EXOC6B: variants seen among roughly 807,000 people sequenced by gnomAD.
The protein encoded by EXOC6B is SEC15 homolog B.
Under a neutral mutation model 113.5 loss-of-function variants are expected in EXOC6B, and 54 were observed. The observed-to-expected ratio is 0.48, with a 90% CI of 0.38 to 0.60. The LOEUF (loss-of-function observed/expected upper bound fraction) is 0.60, where lower values mean the gene tolerates loss of function less well. Ranked by LOEUF, EXOC6B falls within the 20% of genes least tolerant of loss-of-function variation. EXOC6B has a pLI of 0.00. For missense variants in EXOC6B, 797 were observed against 977.5 expected, an observed-to-expected ratio of 0.82 and a Z score of 2.46; for synonymous variants, 357 against 339.0, an observed-to-expected ratio of 1.05 and a Z score of -0.58.
chr2:72,572,071 A>C (rs1704544188), intron 7 of EXOC6B, among the ~76,000 whole-genome samples: 2 of 152,192 alleles, frequency 1.3e-5, no homozygotes, highest in Non-Finnish European at 2.9e-5. Flanking sequence ...TAAGCAACAG[A>C]TTTTAGAAAG....
chr2:72,223,018 T>G (rs1680974215), intron 20 of EXOC6B, among the ~76,000 whole-genome samples: 1 of 152,210 alleles, frequency 6.6e-6, no homozygotes, highest in Admixed American at 6.5e-5. Context: ...CAATAGCATC[T>G]GTGTTCAGTA....
In EXOC6B at chr2:72,825,991, AG is replaced by A; in HGVS notation, c.-82del. 6 of 1,545,362 alleles carry A rather than the reference AG, an allele frequency of 3.9e-6. No homozygotes were observed. The highest frequency in any genetic ancestry group is 5.2e-6 in the Non-Finnish European group (6 of 1,148,298). On this transcript the variant is annotated 5_prime_UTR_variant, in exon 1 of 22. Transcript: ENST00000272427. This position sits in a 1 kb window ranked among gnomAD's most constrained non-coding sequence, Gnocchi z 4.4. ...TGCCCCACAATGCCGCTCCCACCAC[AG>A]GCTCCACAGCCGCCCCAGCCTCTGG...
chr2:72,641,669 C>T (rs1029491329), intron 6 of EXOC6B, among the ~76,000 whole-genome samples: 1 of 152,250 alleles, frequency 6.6e-6, no homozygotes. Flanking sequence ...GAAACTTCTG[C>T]AGACTTAAAC....
At chr2:72,612,749 G>A (rs1289635379) in intron 6 of EXOC6B, among the ~76,000 whole-genome samples, 2 of 152,164 alleles carry the variant, frequency 1.3e-5, no homozygotes, top group African/African-American at 4.8e-5. Flanking sequence ...TGCTTCATCA[G>A]CCCTAGATGA....
At chr2:72,769,795 G>C (rs1339394611) in intron 1 of EXOC6B, among the ~76,000 whole-genome samples, 1 of 152,100 alleles carries the variant, frequency 6.6e-6, no homozygotes, top group East Asian at 1.9e-4. Context: ...CTGGGCGACA[G>C]AGCAAGACTC....
chr2:72,529,625 ATTGT>A (rs762733772), intron 8 of EXOC6B, among the ~76,000 whole-genome samples: 1 of 151,894 alleles, frequency 6.6e-6, no homozygotes, highest in Non-Finnish European at 1.5e-5. Context: ...GTTTCTTTGG[ATTGT>A]TTGTTTGTTT....
At chr2:72,676,154 G>C (rs1212264623) in intron 6 of EXOC6B, among the ~76,000 whole-genome samples, 1 of 150,674 alleles carries the variant, frequency 6.6e-6, no homozygotes, top group East Asian at 1.9e-4. Context: ...AGAAGAAGAA[G>C]AAGGTTTTCA....
At chr2:72,480,239 A>G (rs544072536) in intron 17 of EXOC6B, among the ~76,000 whole-genome samples, 1 of 152,192 alleles carries the variant, frequency 6.6e-6, no homozygotes, top group South Asian at 2.1e-4. Context: ...TACAGAGAGC[A>G]GGGGACAGCT....
At chr2:72,278,815 G>A (rs1245980618) in intron 20 of EXOC6B, among the ~76,000 whole-genome samples, 5 of 152,194 alleles carry the variant, frequency 3.3e-5, no homozygotes, top group Middle Eastern at 3.4e-3. Flanking sequence ...TACATAAAGG[G>A]TTAAAGGAGA....
intron 6 of EXOC6B, among the ~76,000 whole-genome samples, chr2:72,618,035 T>C (rs1425936016): frequency 6.6e-6 from 1 of 152,020 alleles, no homozygotes; most frequent in Non-Finnish European, 1.5e-5. Flanking sequence ...AATGTTGAAA[T>C]TTACCTGAGC....
At chr2:72,558,730 T>C (rs894106866) in intron 8 of EXOC6B, among the ~76,000 whole-genome samples, 2 of 151,694 alleles carry the variant, frequency 1.3e-5, no homozygotes, top group Non-Finnish European at 2.9e-5. Flanking sequence ...GATCATGCCA[T>C]TGCACTCCAG....
chr2:72,509,281 T>C (rs530987116), intron 11 of EXOC6B, among the ~76,000 whole-genome samples: 17 of 152,200 alleles, frequency 1.1e-4, no homozygotes, highest in Non-Finnish European at 2.2e-4. Context: ...CATTCTCTAG[T>C]ACTATAAGAA....
intron 6 of EXOC6B, among the ~76,000 whole-genome samples, chr2:72,700,237 AACACAC>A (rs3034948): frequency 2.0e-4 from 29 of 142,414 alleles, no homozygotes; most frequent in East Asian, 6.2e-4. Context: ...AGACCACAGA[AACACAC>A]ACACACACAC....
chr2:72,339,246 T>G (rs996250499), intron 19 of EXOC6B, among the ~76,000 whole-genome samples: 1 of 152,102 alleles, frequency 6.6e-6, no homozygotes, highest in Non-Finnish European at 1.5e-5. Context: ...AAAATTGTCC[T>G]TCTTTGACAT....
chr2:72,316,455 C>T (rs1687519608), intron 20 of EXOC6B, among the ~76,000 whole-genome samples: 1 of 152,066 alleles, frequency 6.6e-6, no homozygotes, highest in Admixed American at 6.6e-5. Context: ...TTGGTTTTGC[C>T]TTTTCCAGGG....
At chr2:72,725,759 A>C (rs991871362) in intron 5 of EXOC6B, among the ~76,000 whole-genome samples, 5 of 152,314 alleles carry the variant, frequency 3.3e-5, no homozygotes, top group East Asian at 1.9e-4. Flanking sequence ...GCTGTTGGGA[A>C]GATAAAAAGG....
chr2:72,340,199 G>A (rs1048824871), intron 19 of EXOC6B, among the ~76,000 whole-genome samples: 1 of 152,100 alleles, frequency 6.6e-6, no homozygotes, highest in Non-Finnish European at 1.5e-5. Flanking sequence ...AGAATAAAAT[G>A]GTAGAGTGAG....
intron 4 of EXOC6B, 41 bp from the exon 5 acceptor site, chr2:72,731,093 A>G: frequency 6.4e-7 from 1 of 1,566,120 alleles, no homozygotes; most frequent in Admixed American, 1.9e-5. Context: ...GATTTAGAGA[A>G]AGCCTAATTA....
intron 6 of EXOC6B, among the ~76,000 whole-genome samples, chr2:72,700,272 A>ACAC (rs1558930125): frequency 2.0e-5 from 3 of 151,782 alleles, no homozygotes; most frequent in Non-Finnish European, 2.9e-5. Flanking sequence ...ACACACACAC[A>ACAC]AAGTTATCCG....
Sources: allele counts gnomAD v4.1 joint callset (sites outside exome capture counted in the v4.1 genomes callset), GRCh38; gene constraint gnomAD v4.1.1; non-coding constraint Gnocchi (gnomAD v3.1); transcripts MANE v1.5; gene names NCBI Gene and HGNC (gene_info 2026-07-23, HGNC 2026-07-21).